SEL1L: variants seen among roughly 807,000 people sequenced by gnomAD.
The protein encoded by SEL1L is SEL1L adaptor subunit of SYVN1 ubiquitin ligase.
SEL1L carries 52 observed loss-of-function variants against 109.8 expected under a neutral mutation model. That is an observed-to-expected ratio of 0.47 (90% CI 0.38 to 0.60). The LOEUF (loss-of-function observed/expected upper bound fraction) is 0.60, where lower values mean the gene tolerates loss of function less well. Ranked by LOEUF, SEL1L falls within the 20% of genes least tolerant of loss-of-function variation. The pLI is 0.00. For synonymous variants in SEL1L, 373 were observed against 339.6 expected (o/e 1.10, Z -1.08); for missense variants, 749 against 962.2 (o/e 0.78, Z 2.93).
At chr14:81,488,692 G>A (rs1031721480) in intron 14 of SEL1L, 1 of 152,892 alleles carries the variant, frequency 6.5e-6, no homozygotes, top group Non-Finnish European at 1.5e-5. Flanking sequence ...GTCAAGTGAG[G>A]TAGAACCAAA....
chr14:81,481,060 G>C (rs969518027), intron 19 of SEL1L, among the ~76,000 whole-genome samples: 1 of 152,068 alleles, frequency 6.6e-6, no homozygotes, highest in Non-Finnish European at 1.5e-5. Context: ...TCTGGAGAAG[G>C]CTCCTTTATT....
intron 3 of SEL1L, among the ~76,000 whole-genome samples, chr14:81,518,426 G>A (rs570609945): frequency 2.0e-5 from 3 of 151,794 alleles, no homozygotes; most frequent in South Asian, 4.2e-4. Flanking sequence ...TTGGGAGGCC[G>A]AGGTGGGTGG....
chr14:81,522,859 C>T (rs1227363927), intron 3 of SEL1L, among the ~76,000 whole-genome samples: 6 of 152,142 alleles, frequency 3.9e-5, no homozygotes, highest in South Asian at 4.1e-4. Flanking sequence ...TAAATAGTTA[C>T]GCTACATTGT....
intron 19 of SEL1L, among the ~76,000 whole-genome samples, chr14:81,480,805 T>C (rs1903330164): frequency 6.6e-6 from 1 of 152,230 alleles, no homozygotes; most frequent in African/African-American, 2.4e-5. Context: ...CATATGTGCT[T>C]TTTCCTGAAA....
At position 81,477,142 on chromosome 14, in the gene SEL1L, A is replaced by G; in HGVS notation, c.2215T>C (p.Leu739=). The change falls in exon 21 of 21, where the codon TTG becomes CTG. Residue 739 remains leucine, a synonymous_variant. Coordinates refer to ENST00000336735, the MANE Select transcript of SEL1L (RefSeq NM_005065.6). ...AGGTAAAGGTCCCACTCAGGTCCCA[A>G]AAGCTGGTCCATATCAAGTTGGGTG... ...MFTQLDMDQL[L]GPEWDLYLMT... is the part of the protein sequence containing the mutation. 3 of 1,614,218 alleles carry G rather than the reference A, an allele frequency of 1.9e-6. No homozygotes were observed. The highest frequency in any genetic ancestry group is 2.5e-6 in the Non-Finnish European group (3 of 1,180,040).
chr14:81,499,701 G>T, intron 6 of SEL1L, 39 bp from the exon 7 acceptor site: 1 of 1,554,274 alleles, frequency 6.4e-7, no homozygotes, highest in Non-Finnish European at 8.8e-7. Context: ...TTGCTTTGGT[G>T]AAGGTTTATC....
chr14:81,529,934 A>G (rs1885260997), intron 1 of SEL1L, among the ~76,000 whole-genome samples: 1 of 152,250 alleles, frequency 6.6e-6, no homozygotes, highest in Admixed American at 6.5e-5. Flanking sequence ...GAACACAGAT[A>G]TCAAGCAACA....
At chr14:81,503,688 T>G (rs965741708) in intron 5 of SEL1L, among the ~76,000 whole-genome samples, 1 of 152,234 alleles carries the variant, frequency 6.6e-6, no homozygotes, top group African/African-American at 2.4e-5. Context: ...TAAGAGAATA[T>G]GATGGTGTCC....
chr14:81,514,761 A>C (rs1041324689), intron 3 of SEL1L, among the ~76,000 whole-genome samples: 4 of 152,128 alleles, frequency 2.6e-5, no homozygotes, highest in African/African-American at 9.7e-5. Flanking sequence ...CTCACCCTTG[A>C]AATGCATCCT....
Position 81,500,927 on chromosome 14 carries a change from T to C in SEL1L, c.778-1265A>G, listed in dbSNP as rs181307113. Reference sequence around the variant, plus strand: ...TTTGCCTTCTATGGATCATCCTTGATGATAGGAAAGTATAAGCTAACATGA... The same window carrying C: ...TTTGCCTTCTATGGATCATCCTTGACGATAGGAAAGTATAAGCTAACATGA... On this transcript the variant is annotated intron_variant, in intron 6 of 20. Transcript: ENST00000336735. Among the ~76,000 whole-genome samples the C allele has an allele frequency of 4.3e-3, 653 of 152,308 alleles. 11 individuals are homozygous for C. Among genetic ancestry groups the C allele is most frequent in the Admixed American group, 0.04 (607 of 15,306 alleles).
At chr14:81,484,616 G>A (rs944917928) in intron 18 of SEL1L, 1 of 422,182 alleles carries the variant, frequency 2.4e-6, no homozygotes, top group African/African-American at 2.0e-5. Context: ...ATACAGAGAG[G>A]TAAAACCAAG....
At position 81,498,022 on chromosome 14, in the gene SEL1L, C is replaced by CA; in HGVS notation, c.997_998insT (p.Gly333ValfsTer12). ...CCGTATTCTCTGTACTACTGAGCCT[C>CA]CTGTTAGCGAGATATCACTAGCAAC... On this transcript the variant is annotated frameshift_variant, in exon 10 of 21. Transcript: ENST00000336735. LOFTEE classifies it high-confidence loss of function. The CA allele has an allele frequency of 1.2e-6, 2 of 1,612,842 alleles. No homozygotes were observed. Among genetic ancestry groups the CA allele is most frequent in the Non-Finnish European group, 1.7e-6 (2 of 1,179,576 alleles).
intron 3 of SEL1L, among the ~76,000 whole-genome samples, chr14:81,517,991 T>C (rs895735695): frequency 6.6e-6 from 1 of 152,122 alleles, no homozygotes; most frequent in African/African-American, 2.4e-5. Context: ...TGCTGTGGCA[T>C]GATCTTGGCT....
At chr14:81,492,649 A>G in intron 11 of SEL1L, 101 bp from the exon 12 acceptor site, 1 of 771,192 alleles carries the variant, frequency 1.3e-6, no homozygotes, top group Non-Finnish European at 2.1e-6. Flanking sequence ...AAATCTTGTT[A>G]TATTACAGTG....
chr14:81,488,052 G>C, intron 14 of SEL1L, 110 bp from the exon 15 acceptor site: 1 of 804,714 alleles, frequency 1.2e-6, no homozygotes, highest in Non-Finnish European at 1.9e-6. Flanking sequence ...TATTCCCAAA[G>C]AGCCATTAAA....
chr14:81,525,838 T>C (rs1337001259), intron 3 of SEL1L, among the ~76,000 whole-genome samples: 1 of 152,126 alleles, frequency 6.6e-6, no homozygotes, highest in East Asian at 1.9e-4. Context: ...GGCTGCAACA[T>C]AGAATACACA....
At chr14:81,503,869 A>T (rs980889747) in intron 5 of SEL1L, among the ~76,000 whole-genome samples, 2 of 152,234 alleles carry the variant, frequency 1.3e-5, no homozygotes, top group African/African-American at 4.8e-5. Context: ...CAAAAACAAA[A>T]AACGTACTTG....
At chr14:81,497,768 T>C in intron 10 of SEL1L, 124 bp downstream of exon 10, 3 of 809,494 alleles carry the variant, frequency 3.7e-6, no homozygotes, top group Non-Finnish European at 5.7e-6. Context: ...GATTCTAATA[T>C]GTAGTTCATA....
intron 6 of SEL1L, among the ~76,000 whole-genome samples, chr14:81,502,224 C>G (rs1009869622): frequency 6.6e-6 from 1 of 152,018 alleles, no homozygotes; most frequent in Admixed American, 6.5e-5. Context: ...AGATCTATTA[C>G]AGAAAGATAT....
Sources: gnomAD v4.1 joint callset for allele counts (sites outside exome capture counted in the v4.1 genomes callset) on GRCh38, gnomAD v4.1.1 for gene constraint, MANE v1.5 for transcripts, NCBI Gene and HGNC (gene_info 2026-07-23, HGNC 2026-07-21) for gene names.